The following DACH1 variants were observed in gnomAD, a reference collection of about 807,000 sequenced individuals.
The protein encoded by DACH1 is dachshund homolog 1.
Under a neutral mutation model 54.2 loss-of-function variants are expected in DACH1, and 12 were observed. The ratio of observed to expected loss-of-function variants is 0.22; its 90% CI spans 0.14 to 0.36. The LOEUF is 0.36. Among genes scored for constraint, DACH1 ranks in the 10% least tolerant of loss-of-function variants. The pLI is 1.00. For missense variants in DACH1, 805 were observed against 929.8 expected, an observed-to-expected ratio of 0.87 and a Z score of 1.75; for synonymous variants, 386 against 366.2, an observed-to-expected ratio of 1.05 and a Z score of -0.62.
intron 6 of DACH1, among the ~76,000 whole-genome samples, chr13:71,502,588 T>G (rs1170830018): frequency 6.6e-6 from 1 of 152,198 alleles, no homozygotes; most frequent in African/African-American, 2.4e-5. Flanking sequence ...AAAACAATTA[T>G]TGTCCAAGAG....
At chr13:71,693,152 G>A (rs1415326775) in intron 1 of DACH1, among the ~76,000 whole-genome samples, 1 of 152,032 alleles carries the variant, frequency 6.6e-6, no homozygotes. Flanking sequence ...TACAGCGAGT[G>A]TGCATAAATC....
At chr13:71,486,223 AG>A (rs1413395291) in intron 7 of DACH1, among the ~76,000 whole-genome samples, 1 of 151,974 alleles carries the variant, frequency 6.6e-6, no homozygotes, top group Non-Finnish European at 1.5e-5. Context: ...GTTATTTTAA[AG>A]GGTTTTTTGG....
At chr13:71,698,883 G>T (rs1881966412) in intron 1 of DACH1, among the ~76,000 whole-genome samples, 1 of 152,094 alleles carries the variant, frequency 6.6e-6, no homozygotes, top group South Asian at 2.1e-4. Context: ...GAGAAACACG[G>T]AAGGTACTAG....
intron 2 of DACH1, among the ~76,000 whole-genome samples, chr13:71,678,640 C>T (rs1322643486): frequency 6.7e-6 from 1 of 149,946 alleles, no homozygotes; most frequent in Admixed American, 6.7e-5. Context: ...TTTTTTCTTC[C>T]TTTCTCTCTC....
chr13:71,834,334 G>A (rs1888701227), intron 1 of DACH1, among the ~76,000 whole-genome samples: 1 of 151,958 alleles, frequency 6.6e-6, no homozygotes. Context: ...TATAAAAACA[G>A]GGTTATGAGG....
At chr13:71,450,742 T>TAACA (rs998967942) in intron 10 of DACH1, among the ~76,000 whole-genome samples, 4 of 152,042 alleles carry the variant, frequency 2.6e-5, no homozygotes, top group African/African-American at 9.7e-5. Context: ...GACGCACAAA[T>TAACA]AACAAAAAGC....
At chr13:71,551,148 A>G (rs1883789150) in intron 6 of DACH1, among the ~76,000 whole-genome samples, 1 of 152,086 alleles carries the variant, frequency 6.6e-6, no homozygotes, top group East Asian at 1.9e-4. Context: ...AAAAGAAAAA[A>G]GCCATTTGTT....
At chr13:71,790,625 A>T (rs1211204728) in intron 1 of DACH1, among the ~76,000 whole-genome samples, 1 of 152,210 alleles carries the variant, frequency 6.6e-6, no homozygotes, top group Non-Finnish European at 1.5e-5. Flanking sequence ...AATGAGAGCT[A>T]CCAAAAAGTT....
chr13:71,470,958 G>A (rs954924926), intron 10 of DACH1, among the ~76,000 whole-genome samples: 3 of 152,200 alleles, frequency 2.0e-5, no homozygotes, highest in Admixed American at 6.5e-5. Context: ...ACCTCTAAGA[G>A]GCAGAACTAG....
chr13:71,751,244 AT>A (rs1447119795), intron 1 of DACH1, among the ~76,000 whole-genome samples: 4 of 152,298 alleles, frequency 2.6e-5, no homozygotes, highest in African/African-American at 9.6e-5. Context: ...GTTCACTCTA[AT>A]GTGGCCCTGA....
chr13:71,653,028 G>A (rs941899793), intron 2 of DACH1, among the ~76,000 whole-genome samples: 3 of 152,148 alleles, frequency 2.0e-5, no homozygotes, highest in Non-Finnish European at 4.4e-5. Context: ...CATATTGCAA[G>A]TCCAGATTCG....
Position 71,866,332 on chromosome 13 carries a change from G to C in DACH1, c.438C>G (p.Ser146Arg). 2 of 1,529,668 alleles carry C rather than the reference G, an allele frequency of 1.3e-6. No homozygotes were observed. The highest frequency in any genetic ancestry group is 4.9e-5 in the East Asian group (2 of 40,474). The allele number at this position is 1,529,668 out of a possible 1,614,324, so 94.8% of individuals were successfully genotyped here. Residue 146 changes from serine (S) to arginine (R), a missense_variant, in exon 1 of 11, where the codon AGC becomes AGG. This residue lies in a region of DACH1 where 305 missense variants were observed against 308.7 expected (regional missense o/e 0.99). Coordinates refer to ENST00000613252, the MANE Select transcript of DACH1 (RefSeq NM_080759.6). ...ASTGSSSSSS[S>R]SSSSSSSSSS... Reference sequence around the variant, plus strand: ...TACTACTGCTGCTGCTGCTGCTGCTGCTACTGCTGCTGCTGCTGCTGCCGG... The same window carrying C: ...TACTACTGCTGCTGCTGCTGCTGCTCCTACTGCTGCTGCTGCTGCTGCCGG...
intron 3 of DACH1, among the ~76,000 whole-genome samples, chr13:71,612,708 C>T (rs1875425629): frequency 1.3e-5 from 2 of 152,110 alleles, no homozygotes; most frequent in South Asian, 2.1e-4. Flanking sequence ...TGTAGACGTG[C>T]ATTGTACAAG....
intron 6 of DACH1, among the ~76,000 whole-genome samples, chr13:71,524,878 G>C (rs980960830): frequency 6.6e-6 from 1 of 152,052 alleles, no homozygotes; most frequent in Admixed American, 6.6e-5. Context: ...AGGATAATCA[G>C]TACAGTCACT....
chr13:71,746,494 T>C (rs963288080), intron 1 of DACH1, among the ~76,000 whole-genome samples: 1 of 152,154 alleles, frequency 6.6e-6, no homozygotes, highest in Non-Finnish European at 1.5e-5. Flanking sequence ...TTTAATAAGA[T>C]GAAATCAACT....
rs80155924 is a variant in DACH1, at chr13:71,650,340, C to T, written c.965-19623G>A. Among the ~76,000 whole-genome samples, 535 of 152,222 alleles carry T rather than the reference C, an allele frequency of 3.5e-3. 2 individuals carry two copies. The highest frequency in any genetic ancestry group is 4.5e-3 in the Non-Finnish European group (306 of 68,014). Reference sequence around the variant, plus strand: ...CAAGTAATCCAGTACATAAGCAGTACTTGGTATATTACAGCAGCAAGAAGT... The same window carrying T: ...CAAGTAATCCAGTACATAAGCAGTATTTGGTATATTACAGCAGCAAGAAGT... On this transcript the variant is annotated intron_variant, in intron 2 of 10. Coordinates refer to ENST00000613252, the MANE Select transcript of DACH1 (RefSeq NM_080759.6).
chr13:71,447,961 T>A (rs1028330673), intron 10 of DACH1, among the ~76,000 whole-genome samples: 3 of 152,214 alleles, frequency 2.0e-5, no homozygotes, highest in African/African-American at 7.2e-5. Context: ...AGTATGCTTG[T>A]GGAAGGTATC....
At chr13:71,748,781 C>A (rs552505811) in intron 1 of DACH1, among the ~76,000 whole-genome samples, 55 of 152,266 alleles carry the variant, frequency 3.6e-4, no homozygotes, top group African/African-American at 1.3e-3. Flanking sequence ...TATCATCTTT[C>A]ATAACATGAT....
chr13:71,813,286 C>T (rs964963813), intron 1 of DACH1, among the ~76,000 whole-genome samples: 7 of 152,062 alleles, frequency 4.6e-5, no homozygotes, highest in African/African-American at 1.7e-4. Context: ...TTTAGTATCA[C>T]AAAGTCTTGC....
Sources: gnomAD v4.1 joint callset for allele counts (sites outside exome capture counted in the v4.1 genomes callset) on GRCh38, gnomAD v4.1.1 for gene constraint, gnomAD v4.1.1 regional missense constraint, MANE v1.5 for transcripts, NCBI Gene and HGNC (gene_info 2026-07-23, HGNC 2026-07-21) for gene names.